NEK3: variants seen among roughly 807,000 people sequenced by gnomAD.
NEK3 encodes the protein NIMA related kinase 3.
Under a neutral mutation model 66.0 loss-of-function variants are expected in NEK3, and 54 were observed. The ratio of observed to expected loss-of-function variants is 0.82; its 90% CI spans 0.66 to 1.03. NEK3 has a LOEUF of 1.03. NEK3 is among the 50% of genes least tolerant of loss of function. NEK3 has a pLI of 0.00. For synonymous variants in NEK3, 200 were observed against 206.2 expected (o/e 0.97, Z 0.26); for missense variants, 593 against 603.0 (o/e 0.98, Z 0.17).
At chr13:52,153,177 T>TA (rs1566861315) in intron 4 of NEK3, among the ~76,000 whole-genome samples, 1 of 152,170 alleles carries the variant, frequency 6.6e-6, no homozygotes, top group African/African-American at 2.4e-5. Flanking sequence ...CCTGAATTTC[T>TA]AGGTGTCTTG....
intron 11 of NEK3, among the ~76,000 whole-genome samples, chr13:52,139,645 T>C (rs1043604962): frequency 3.3e-5 from 5 of 152,110 alleles, no homozygotes; most frequent in African/African-American, 1.2e-4. Context: ...ATGCCTGTAA[T>C]CCTAGCACTT....
At position 52,144,669 on chromosome 13, in the gene NEK3, ACCAAT is replaced by A. The variant is rs770193457; in HGVS notation, c.804+17_804+21del. ...ACCATACACTTGAAAACTGTTCACAACCAATCCAACACAGATCATACCTCGGGGGG... is the reference window on the plus strand; with the variant it reads ...ACCATACACTTGAAAACTGTTCACAACCAACACAGATCATACCTCGGGGGG... On this transcript the variant is annotated intron_variant, in intron 9 of 15. Transcript: ENST00000610828. 4.4e-6 allele frequency: 7 copies of A among 1,606,864 alleles called. No homozygotes were observed. In the African/African-American group the frequency reaches 9.4e-5, roughly 21 times the overall value.
rs1329544467 is a variant in NEK3, at chr13:52,156,114, A to G, written c.78T>C (p.Ser26=). 2.5e-6 allele frequency: 4 copies of G among 1,607,576 alleles called. No homozygotes were observed. The highest frequency in any genetic ancestry group is 3.4e-6 in the Non-Finnish European group (4 of 1,176,858). The change falls in exon 2 of 16, where the codon AGT becomes AGC. Residue 26 remains serine (S), a synonymous_variant. Transcript: ENST00000610828. The part of the protein sequence containing the change: ...GRALLVQHES[S]NQMFAMKEIR... ...TTTCTTTCATGGCAAACATCTGATT[A>G]CTGCTTTCATGCTGAACCAAAAGAG... is the stretch of plus-strand genomic sequence containing the variant.
At chr13:52,144,991 G>A (rs1956282618) in intron 8 of NEK3, 100 bp from the exon 9 acceptor site, 2 of 782,158 alleles carry the variant, frequency 2.6e-6, no homozygotes, top group East Asian at 5.5e-5. Flanking sequence ...AAACATATCT[G>A]CTGTCTGGTC....
intron 7 of NEK3, 29 bp downstream of exon 7, chr13:52,151,117 C>T (rs781006368): frequency 4.5e-6 from 7 of 1,568,766 alleles, no homozygotes; most frequent in East Asian, 2.3e-5. Context: ...ACCAAATGGG[C>T]ACCCTGACAT....
intron 11 of NEK3, among the ~76,000 whole-genome samples, chr13:52,137,703 A>G (rs115674680): frequency 0.01 from 1,528 of 152,242 alleles, 18 homozygotes; most frequent in African/African-American, 0.034. Flanking sequence ...AGCTGTGAAA[A>G]GCCCCCCAGG....
intron 10 of NEK3, among the ~76,000 whole-genome samples, chr13:52,142,139 C>G (rs1429523050): frequency 6.6e-6 from 1 of 152,056 alleles, no homozygotes; most frequent in Admixed American, 6.6e-5. Context: ...TTCTTCCAAA[C>G]TACCTTGAAA....
At position 52,133,198 on chromosome 13, in the gene NEK3, C is replaced by A. The variant is rs745312041; in HGVS notation, c.1465G>T (p.Asp489Tyr). ...CGCTTCTTCAGCTCTGACACCCAGT[C>A]GGGGTTGTCATCTTCCTCCTCAAAG... The part of the protein sequence containing the change: ...TDFEEEDDNP[D>Y]WVSELKKRAG... The change falls in exon 16 of 16, where the codon GAC (aspartate) becomes TAC (tyrosine). Residue 489 changes from aspartate to tyrosine, a missense_variant. Asp to Tyr is a radical substitution (Grantham distance 160). Coordinates refer to ENST00000610828, the MANE Select transcript of NEK3 (RefSeq NM_002498.3). The A allele has an allele frequency of 1.2e-6, 2 of 1,609,488 alleles. No homozygotes were observed. The highest frequency in any genetic ancestry group is 2.2e-5 in the East Asian group (1 of 44,794).
At position 52,152,600 on chromosome 13, in the gene NEK3, T is replaced by C. The variant is rs766173207; in HGVS notation, c.393+9A>G. 3 of 1,565,654 alleles carry C rather than the reference T, an allele frequency of 1.9e-6. No homozygotes were observed. The Admixed American group carries it at 5.4e-5, about 28-fold the overall frequency. On this transcript the variant is annotated intron_variant, in intron 5 of 15. Transcript: ENST00000610828. ...TTTTTTTTTAAGTCCAAAAATGTAC[T>C]CCACTCACCTTGGACTTGATATCTC...
rs188030643 is a variant in NEK3, at chr13:52,154,185, T to C, written c.118-12A>G. On this transcript the variant is annotated splice_polypyrimidine_tract_variant and intron_variant, in intron 2 of 15. Transcript: ENST00000610828. ...GTATTAGAGAAAGACTAGAAAAACA[T>C]TTTAAATAAGCATAAACTTAATACT... is the stretch of plus-strand genomic sequence containing the variant. The C allele has an allele frequency of 2.3e-4, 358 of 1,524,062 alleles. No individual in the cohort carries two copies. In the African/African-American group the frequency reaches 4.4e-3, roughly 19 times the overall value. 94.4% of individuals were successfully genotyped at this position (1,524,062 alleles called of 1,614,324 possible).
intron 7 of NEK3, among the ~76,000 whole-genome samples, chr13:52,149,435 T>C (rs538590690): frequency 6.6e-6 from 1 of 152,286 alleles, no homozygotes; most frequent in Non-Finnish European, 1.5e-5. Flanking sequence ...TTACCAACTA[T>C]TTCCCCGTTT....
intron 7 of NEK3, 27 bp downstream of exon 7, chr13:52,151,119 C>A (rs745771701): frequency 6.3e-6 from 10 of 1,577,288 alleles, no homozygotes; most frequent in South Asian, 1.2e-5. Flanking sequence ...CAAATGGGCA[C>A]CCTGACATCA....
chr13:52,152,821 T>A, intron 4 of NEK3, 129 bp from the exon 5 acceptor site: 1 of 531,738 alleles, frequency 1.9e-6, no homozygotes, highest in Non-Finnish European at 3.3e-6. Flanking sequence ...AGAACTCCTA[T>A]AAATTACATA....
At chr13:52,159,015 C>T (rs1956420747) in intron 1 of NEK3, among the ~76,000 whole-genome samples, 1 of 152,126 alleles carries the variant, frequency 6.6e-6, no homozygotes, top group Non-Finnish European at 1.5e-5. Flanking sequence ...CCCCGAGTTT[C>T]AGAAGCTCTT....
chr13:52,154,165 A>C lies in NEK3; in HGVS notation c.126T>G (p.Ser42=), dbSNP rs765929521. The change falls in exon 3 of 16, where the codon TCT becomes TCG. Residue 42 remains serine, a synonymous_variant. Coordinates refer to ENST00000610828, the MANE Select transcript of NEK3 (RefSeq NM_002498.3). ...MKEIRLPKSF[S]NTQNSRKEAV... Reference sequence around the variant, plus strand: ...CCTCCTTCCTAGAATTCTGTGTATTAGAGAAAGACTAGAAAAACATTTTAA... The same window carrying C: ...CCTCCTTCCTAGAATTCTGTGTATTCGAGAAAGACTAGAAAAACATTTTAA... 1.3e-6 allele frequency: 2 copies of C among 1,597,558 alleles called. No homozygotes were observed. Among genetic ancestry groups the C allele is most frequent in the Admixed American group, 1.7e-5 (1 of 58,344 alleles).
chr13:52,138,850 G>A (rs1259505049), intron 11 of NEK3, among the ~76,000 whole-genome samples: 1 of 152,144 alleles, frequency 6.6e-6, no homozygotes, highest in South Asian at 2.1e-4. Flanking sequence ...AAGATCCCTT[G>A]AGCCCAGGAG....
rs1938331444 is a variant in NEK3, at chr13:52,149,886, G to GT, written c.548+1259dup. On this transcript the variant is annotated intron_variant, in intron 7 of 15. Transcript: ENST00000610828. ...TCTGTCTCAAAAAAAAAAAAAAAAG[G>GT]TTGCAGATATTGAACACTTCATCCC... 2.0e-5 allele frequency among the ~76,000 whole-genome samples: 3 copies of GT among 148,622 alleles called. No individual in the cohort carries two copies. In the South Asian group the frequency reaches 6.4e-4, roughly 32 times the overall value.
Position 52,136,154 on chromosome 13 carries a change from G to T in NEK3, c.1136C>A (p.Ser379Tyr). The T allele has an allele frequency of 6.2e-7, 1 of 1,613,738 alleles. No homozygotes were observed. Among genetic ancestry groups the T allele is most frequent in the Non-Finnish European group, 8.5e-7 (1 of 1,179,700 alleles). Residue 379 changes from serine (S) to tyrosine (Y), a missense_variant, in exon 13 of 16, where the codon TCC becomes TAC. Physicochemically the swap from Ser to Tyr is moderately radical, Grantham distance 144. Coordinates refer to ENST00000610828, the MANE Select transcript of NEK3 (RefSeq NM_002498.3). ...TGCTGTTAAACTGGAGGTGAGTATG[G>T]ATGCATTTTCCAAAGCTGTAAGAGC... ...NTALTALENA[S>Y]ILTSSLTAED...
chr13:52,148,090 G>C, intron 8 of NEK3: 2 of 208,678 alleles, frequency 9.6e-6, no homozygotes, highest in Non-Finnish European at 1.9e-5. Flanking sequence ...ACAATGAATT[G>C]TATACTTAAA....
Sources: allele counts gnomAD v4.1 joint callset (sites outside exome capture counted in the v4.1 genomes callset), GRCh38; gene constraint gnomAD v4.1.1; transcripts MANE v1.5; gene names NCBI Gene and HGNC (gene_info 2026-07-23, HGNC 2026-07-21).